The following ADAMTSL1 variants were observed in gnomAD, a reference collection of about 807,000 sequenced individuals.
ADAMTSL1 encodes ADAMTS-like protein 1.
Under a neutral mutation model 201.8 loss-of-function variants are expected in ADAMTSL1, and 126 were observed. The ratio of observed to expected loss-of-function variants is 0.62; its 90% CI spans 0.54 to 0.72. The LOEUF is 0.72. Among genes scored for constraint, ADAMTSL1 ranks in the 30% least tolerant of loss-of-function variants. The pLI is 0.00. For missense variants in ADAMTSL1, 2,679 were observed against 2,277.8 expected (o/e 1.18, Z -3.59); for synonymous variants, 1,121 against 903.4 (o/e 1.24, Z -4.32).
At chr9:18,230,371 G>A (rs1490140097) in intron 2 of ADAMTSL1, among the ~76,000 whole-genome samples, 2 of 152,304 alleles carry the variant, frequency 1.3e-5, no homozygotes, top group African/African-American at 2.4e-5. Context: ...CAGAATGACA[G>A]TTAAAAGTTG....
rs547083834 is a variant in ADAMTSL1, at chr9:18,814,379, A to G, written c.3806-2730A>G. Among the ~76,000 whole-genome samples, 280 of 152,296 alleles carry G rather than the reference A, an allele frequency of 1.8e-3. 1 individual carries two copies. Among genetic ancestry groups the G allele is most frequent in the African/African-American group, 6.3e-3 (261 of 41,568 alleles). On this transcript the variant is annotated intron_variant, in intron 20 of 28. Coordinates refer to ENST00000380548, the MANE Select transcript of ADAMTSL1 (RefSeq NM_001040272.6). ...ATTGTGTCCTTGTTGGTTACATCCA[A>G]CTGAAAAGCTTCTGCACAGCAAAGG...
chr9:18,756,281 CAAAAAAAAAAA>C (rs11326013), intron 16 of ADAMTSL1, among the ~76,000 whole-genome samples: 1 of 68,490 alleles, frequency 1.5e-5, no homozygotes, highest in Non-Finnish European at 2.6e-5. Flanking sequence ...TCTGTCTCGA[CAAAAAAAAAAA>C]AAAAAAAAAA....
chr9:18,680,296 C>A lies in ADAMTSL1; in HGVS notation c.1137-16C>A, dbSNP rs1427591203. On this transcript the variant is annotated splice_polypyrimidine_tract_variant and intron_variant, in intron 10 of 28. Transcript: ENST00000380548. ...AATGTGCATGTCTGCCCTGATGACT[C>A]CCCTTGCTTCTGTAGGTGGGAGGCC... 1 of 1,612,834 alleles carries A rather than the reference C, an allele frequency of 6.2e-7. No homozygotes were observed. The highest frequency in any genetic ancestry group is 8.5e-7 in the Non-Finnish European group (1 of 1,179,450).
intron 2 of ADAMTSL1, among the ~76,000 whole-genome samples, chr9:18,440,265 C>T (rs1819939089): frequency 6.6e-6 from 1 of 152,070 alleles, no homozygotes; most frequent in East Asian, 1.9e-4. Flanking sequence ...AAAATTAGAT[C>T]GAGGTAGACC....
chr9:18,079,461 G>A (rs1463935898), intron 1 of ADAMTSL1, among the ~76,000 whole-genome samples: 1 of 151,868 alleles, frequency 6.6e-6, no homozygotes, highest in Non-Finnish European at 1.5e-5. Context: ...GGCGGATCAC[G>A]AGGTCAGGAG....
intron 2 of ADAMTSL1, among the ~76,000 whole-genome samples, chr9:18,363,732 C>G (rs1396114127): frequency 6.6e-6 from 1 of 152,058 alleles, no homozygotes; most frequent in Non-Finnish European, 1.5e-5. Flanking sequence ...AGGGGAAAAT[C>G]AGAGCTGACA....
intron 2 of ADAMTSL1, among the ~76,000 whole-genome samples, chr9:18,199,901 C>T (rs1344784778): frequency 4.0e-5 from 6 of 151,300 alleles, no homozygotes; most frequent in Admixed American, 2.0e-4. Context: ...ATTTTTTTTC[C>T]TGTTAGATTT....
intron 1 of ADAMTSL1, among the ~76,000 whole-genome samples, chr9:18,050,608 A>G (rs1821889139): frequency 1.3e-5 from 2 of 152,168 alleles, no homozygotes; most frequent in East Asian, 1.9e-4. Flanking sequence ...GTGTTGTGAA[A>G]GAAATGCTCT....
At chr9:18,756,278 C>T (rs1238304598) in intron 16 of ADAMTSL1, among the ~76,000 whole-genome samples, 1 of 41,488 alleles carries the variant, frequency 2.4e-5, no homozygotes, top group African/African-American at 1.1e-4. Flanking sequence ...GACTCTGTCT[C>T]GACAAAAAAA....
At chr9:18,310,399 A>AAAAC (rs1440483712) in intron 2 of ADAMTSL1, among the ~76,000 whole-genome samples, 9 of 127,322 alleles carry the variant, frequency 7.1e-5, no homozygotes, top group Non-Finnish European at 1.5e-4. Context: ...AAAAAAAAAA[A>AAAAC]CTATCTTCAG....
chr9:18,796,112 G>A (rs767617993), intron 20 of ADAMTSL1, among the ~76,000 whole-genome samples: 1 of 152,290 alleles, frequency 6.6e-6, no homozygotes, highest in Non-Finnish European at 1.5e-5. Flanking sequence ...GCAACTCAGA[G>A]TACCATGTCT....
chr9:17,961,243 G>A (rs1209954246), intron 1 of ADAMTSL1, among the ~76,000 whole-genome samples: 2 of 151,890 alleles, frequency 1.3e-5, no homozygotes, highest in African/African-American at 2.4e-5. Context: ...CATGGATGTT[G>A]TGATTATTAT....
intron 1 of ADAMTSL1, among the ~76,000 whole-genome samples, chr9:18,132,776 C>G (rs1448052946): frequency 6.6e-6 from 1 of 152,150 alleles, no homozygotes; most frequent in African/African-American, 2.4e-5. Context: ...CACCCAAACA[C>G]ACAGTCCAAT....
intron 26 of ADAMTSL1, among the ~76,000 whole-genome samples, chr9:18,903,370 T>A: frequency 6.6e-6 from 1 of 152,242 alleles, no homozygotes; most frequent in Admixed American, 6.5e-5. Context: ...ACATGAAATA[T>A]GGTTCATTTA....
intron 2 of ADAMTSL1, among the ~76,000 whole-genome samples, chr9:18,526,776 C>G (rs914823393): frequency 1.3e-5 from 2 of 152,158 alleles, no homozygotes; most frequent in East Asian, 3.9e-4. Flanking sequence ...TACTGAAATG[C>G]TCATTTGATG....
chr9:18,664,072 GC>G (rs1458045431), intron 9 of ADAMTSL1, among the ~76,000 whole-genome samples: 1 of 152,042 alleles, frequency 6.6e-6, no homozygotes, highest in African/African-American at 2.4e-5. Flanking sequence ...GAAAAAATAG[GC>G]AAATGTCAGG....
At chr9:18,596,327 A>G (rs1824259374) in intron 4 of ADAMTSL1, among the ~76,000 whole-genome samples, 1 of 152,194 alleles carries the variant, frequency 6.6e-6, no homozygotes, top group African/African-American at 2.4e-5. Context: ...TTAATTTTGT[A>G]TCCAATCAGA....
chr9:18,405,334 A>G (rs1161723131), intron 2 of ADAMTSL1, among the ~76,000 whole-genome samples: 2 of 152,202 alleles, frequency 1.3e-5, no homozygotes, highest in Admixed American at 6.5e-5. Context: ...ATAGAAGGCA[A>G]CTAAGTTGTC....
At chr9:18,229,275 A>G (rs1341031427) in intron 2 of ADAMTSL1, among the ~76,000 whole-genome samples, 1 of 152,110 alleles carries the variant, frequency 6.6e-6, no homozygotes, top group African/African-American at 2.4e-5. Flanking sequence ...TCATGTCAGG[A>G]TGGAGAATCC....
Sources: allele counts gnomAD v4.1 joint callset (sites outside exome capture counted in the v4.1 genomes callset), GRCh38; gene constraint gnomAD v4.1.1; transcripts MANE v1.5; gene names NCBI Gene and HGNC (gene_info 2026-07-23, HGNC 2026-07-21).